Variants in ZSWIM5 observed in about 807,000 individuals in gnomAD.
The protein encoded by ZSWIM5 is zinc finger SWIM domain-containing protein 5.
In ZSWIM5, 55 loss-of-function variants were observed where a neutral mutation model predicts 119.6. The ratio of observed to expected loss-of-function variants is 0.46; its 90% CI spans 0.37 to 0.58. The LOEUF (loss-of-function observed/expected upper bound fraction) is 0.58. ZSWIM5 is among the 20% of genes least tolerant of loss of function. The pLI is 0.00. For synonymous variants in ZSWIM5, 537 were observed against 606.9 expected, an observed-to-expected ratio of 0.88 and a Z score of 1.69; for missense variants, 1,193 against 1,512.8, an observed-to-expected ratio of 0.79 and a Z score of 3.51.
Position 45,036,072 on chromosome 1 carries a change from T to C in ZSWIM5, c.2122A>G (p.Thr708Ala), listed in dbSNP as rs781479236. 1.2e-6 allele frequency: 2 copies of C among 1,614,044 alleles called. No homozygotes were observed. Among genetic ancestry groups the C allele is most frequent in the African/African-American group, 2.7e-5 (2 of 74,908 alleles). ...AGTAAGATGCATTGTTTTTGCAGTG[T>C]TTGCACTAGCTCATCGTCCAGCTGC... ...ELQLDDELVQ[T>A]LQKQCILLLE... Residue 708 changes from threonine to alanine, a missense_variant, in exon 9 of 14, where the codon ACA becomes GCA. By Grantham distance (58) the Thr-to-Ala change is moderately conservative. Around this residue, in one of 2 missense-constraint regions of ZSWIM5, gnomAD observed 961 missense variants for 1,290.0 expected, o/e 0.74. Transcript: ENST00000359600.
At chr1:45,068,091 CTTTTTTTTTTTTTTTCTTTTT>C (rs1645196274) in intron 2 of ZSWIM5, among the ~76,000 whole-genome samples, 1 of 111,536 alleles carries the variant, frequency 9.0e-6, no homozygotes, top group Non-Finnish European at 1.8e-5. Context: ...AGCAATTTTT[CTTTTTTTTTTTTTTTCTTTTT>C]TTTTTTTTGA....
intron 1 of ZSWIM5, among the ~76,000 whole-genome samples, chr1:45,098,784 G>C (rs1645419722): frequency 6.6e-6 from 1 of 152,132 alleles, no homozygotes; most frequent in Non-Finnish European, 1.5e-5. Flanking sequence ...TGAACAACCT[G>C]CTCCTGAATG....
At chr1:45,039,461 T>C (rs1297767601) in intron 7 of ZSWIM5, among the ~76,000 whole-genome samples, 5 of 152,076 alleles carry the variant, frequency 3.3e-5, no homozygotes, top group African/African-American at 1.2e-4. Context: ...TCTTGGCTCA[T>C]TGCAACCTCC....
At chr1:45,131,486 G>A (rs1253427575) in intron 1 of ZSWIM5, among the ~76,000 whole-genome samples, 1 of 152,056 alleles carries the variant, frequency 6.6e-6, no homozygotes, top group Non-Finnish European at 1.5e-5. Flanking sequence ...CACTTTGGGA[G>A]GCTGAGGTGG....
chr1:45,206,413 G>A lies in ZSWIM5; in HGVS notation c.-63C>T. On this transcript the variant is annotated 5_prime_UTR_variant, in exon 1 of 14. Transcript: ENST00000359600. ...TGCTCGGGCTGCGGCGGAGACCCTGGCCACGGCCACGCGCCCCGCGCAAGC... is the reference window on the plus strand; with the variant it reads ...TGCTCGGGCTGCGGCGGAGACCCTGACCACGGCCACGCGCCCCGCGCAAGC... 7.7e-7 allele frequency: 1 copy of A among 1,295,324 alleles called. No individual in the cohort carries two copies. The highest frequency in any genetic ancestry group is 9.8e-7 in the Non-Finnish European group (1 of 1,023,484). 80.2% of individuals were successfully genotyped at this position (1,295,324 alleles called of 1,614,324 possible). A position where few individuals can be genotyped will look rare whatever the true frequency, so the allele number is the denominator to read the frequency against.
At chr1:45,144,318 A>C (rs1285719917) in intron 1 of ZSWIM5, among the ~76,000 whole-genome samples, 4 of 151,978 alleles carry the variant, frequency 2.6e-5, no homozygotes, top group African/African-American at 9.7e-5. Flanking sequence ...ATTTGAGGCC[A>C]GGAGTTCGAG....
rs1305615383 is a variant in ZSWIM5, at chr1:45,206,248, C to A, written c.103G>T (p.Gly35Cys). 2 of 1,585,204 alleles carry A rather than the reference C, an allele frequency of 1.3e-6. No individual in the cohort carries two copies. Among genetic ancestry groups the A allele is most frequent in the East Asian group, 4.6e-5 (2 of 43,506 alleles). Residue 35 changes from glycine (G) to cysteine (C), a missense_variant, in exon 1 of 14, where the codon GGT becomes TGT. Gly to Cys is a radical substitution (Grantham distance 159). Around this residue, in one of 2 missense-constraint regions of ZSWIM5, gnomAD observed 232 missense variants for 222.9 expected, o/e 1.04. Coordinates refer to ENST00000359600, the MANE Select transcript of ZSWIM5 (RefSeq NM_020883.2). Reference protein sequence around the residue: ...WPSPQAHHPRGSPGAAGGGAG... With the variant: ...WPSPQAHHPRCSPGAAGGGAG... ...CCTCCGCCGGCTGCCCCAGGCGAAC[C>A]GCGAGGGTGATGAGCCTGCGGGCTG...
chr1:45,160,989 A>ATTTTTTTTTTTTTT lies in ZSWIM5; in HGVS notation c.595+44753_595+44766dup, dbSNP rs534599856. 5.4e-3 allele frequency among the ~76,000 whole-genome samples: 656 copies of ATTTTTTTTTTTTTT among 122,530 alleles called. 36 individuals carry two copies. Among genetic ancestry groups the ATTTTTTTTTTTTTT allele is most frequent in the African/African-American group, 0.019 (619 of 32,998 alleles). The allele number at this position is 122,530 out of a possible 152,430, so 80.4% of individuals were successfully genotyped here. A position where few individuals can be genotyped will look rare whatever the true frequency, so the allele number is the denominator to read the frequency against. ...AGCGCCTGCCACCATGCCCGGCTAA[A>ATTTTTTTTTTTTTT]TTTTTTTTTTTTTTTTTAGTAGAGA... is the stretch of plus-strand genomic sequence containing the variant. On this transcript the variant is annotated intron_variant, in intron 1 of 13. Coordinates refer to ENST00000359600, the MANE Select transcript of ZSWIM5 (RefSeq NM_020883.2).
chr1:45,128,542 T>G (rs1207182710), intron 1 of ZSWIM5, among the ~76,000 whole-genome samples: 1 of 152,190 alleles, frequency 6.6e-6, no homozygotes, highest in African/African-American at 2.4e-5. Context: ...ATTAAAACTA[T>G]GTAGCACTGG....
chr1:45,173,664 A>G (rs1455781285), intron 1 of ZSWIM5, among the ~76,000 whole-genome samples: 1 of 152,122 alleles, frequency 6.6e-6, no homozygotes, highest in Non-Finnish European at 1.5e-5. Context: ...CTCATATGTA[A>G]AATTGGGATA....
intron 8 of ZSWIM5, among the ~76,000 whole-genome samples, chr1:45,037,085 G>A (rs4320818): frequency 6.7e-6 from 1 of 148,562 alleles, no homozygotes; most frequent in Non-Finnish European, 1.5e-5. Context: ...ATAGGCATAA[G>A]CCACCATGCC....
Position 45,132,121 on chromosome 1 carries a change from C to T in ZSWIM5, c.596-43884G>A, listed in dbSNP as rs138227893. On this transcript the variant is annotated intron_variant, in intron 1 of 13. Coordinates refer to ENST00000359600, the MANE Select transcript of ZSWIM5 (RefSeq NM_020883.2). ...ATTTTATAATTTTATAATAATTTCA[C>T]TATGTATATATGTAATTGAATATCA... 6.3e-3 allele frequency among the ~76,000 whole-genome samples: 947 copies of T among 150,430 alleles called. 6 individuals carry two copies. Among genetic ancestry groups the T allele is most frequent in the African/African-American group, 0.022 (908 of 41,154 alleles).
At chr1:45,193,405 A>C (rs1646103035) in intron 1 of ZSWIM5, among the ~76,000 whole-genome samples, 1 of 152,218 alleles carries the variant, frequency 6.6e-6, no homozygotes, top group Non-Finnish European at 1.5e-5. Context: ...TGATATAAGA[A>C]GGCGCATCCT....
At position 45,019,958 on chromosome 1, in the gene ZSWIM5, C is replaced by A; in HGVS notation, c.2695+108G>T. On this transcript the variant is annotated intron_variant, in intron 13 of 13. Transcript: ENST00000359600. The surrounding 1 kb of genome is among the most constrained non-coding windows in gnomAD (Gnocchi z 5.0). ...CTTTCTTAGGCCATCTCCTGATGGA[C>A]CTAAGATCTCATAGGAATATGAGAG... 1.0e-6 allele frequency: 1 copy of A among 973,832 alleles called. No individual in the cohort carries two copies. The highest frequency in any genetic ancestry group is 1.5e-5 in the South Asian group (1 of 65,892). The allele number at this position is 973,832 out of a possible 1,614,324, so 60.3% of individuals were successfully genotyped here. A position where few individuals can be genotyped will look rare whatever the true frequency, so the allele number is the denominator to read the frequency against.
intron 1 of ZSWIM5, among the ~76,000 whole-genome samples, chr1:45,166,913 T>C (rs1440621073): frequency 1.3e-5 from 2 of 152,078 alleles, no homozygotes; most frequent in Non-Finnish European, 2.9e-5. Flanking sequence ...AATTTATAGA[T>C]TCAATGCCAT....
At position 45,159,584 on chromosome 1, in the gene ZSWIM5, G is replaced by T. The variant is rs143286840; in HGVS notation, c.595+46172C>A. Among the ~76,000 whole-genome samples the T allele has an allele frequency of 1.8e-3, 270 of 152,126 alleles. 3 individuals carry two copies. Among genetic ancestry groups the T allele is most frequent in the African/African-American group, 6.2e-3 (258 of 41,528 alleles). ...CAATCTGGAGAGGTTATTGAGATAT[G>T]ATTATGATTCAATTTTTTTTTTCAG... On this transcript the variant is annotated intron_variant, in intron 1 of 13. Transcript: ENST00000359600.
At chr1:45,185,036 T>A (rs1646048350) in intron 1 of ZSWIM5, among the ~76,000 whole-genome samples, 1 of 151,388 alleles carries the variant, frequency 6.6e-6, no homozygotes, top group South Asian at 2.1e-4. Flanking sequence ...AGAATGGTAC[T>A]GGTACCAAAA....
intron 10 of ZSWIM5, among the ~76,000 whole-genome samples, chr1:45,035,214 A>G (rs2148991403): frequency 6.6e-6 from 1 of 152,330 alleles, no homozygotes; most frequent in East Asian, 1.9e-4. Context: ...CAGAGGTTTA[A>G]CTGCCTAAAC....
At chr1:45,103,459 G>C (rs977563507) in intron 1 of ZSWIM5, among the ~76,000 whole-genome samples, 7 of 152,296 alleles carry the variant, frequency 4.6e-5, no homozygotes, top group Admixed American at 4.6e-4. Flanking sequence ...ATGTAAAGTT[G>C]GGATCTGAAC....
Sources: gnomAD v4.1 joint callset for allele counts (sites outside exome capture counted in the v4.1 genomes callset) on GRCh38, gnomAD v4.1.1 for gene constraint, gnomAD v4.1.1 regional missense constraint, Gnocchi (gnomAD v3.1) non-coding constraint, MANE v1.5 for transcripts, NCBI Gene and HGNC (gene_info 2026-07-23, HGNC 2026-07-21) for gene names.